The following STRN3 variants were observed in gnomAD, a reference collection of about 807,000 sequenced individuals.
STRN3 encodes the protein striatin-3.
In STRN3, 29 loss-of-function variants were observed where a neutral mutation model predicts 95.6. The observed-to-expected ratio is 0.30, with a 90% confidence interval of 0.23 to 0.41. The LOEUF (loss-of-function observed/expected upper bound fraction) is 0.41, where lower values mean the gene tolerates loss of function less well. Among genes scored for constraint, STRN3 ranks in the 10% least tolerant of loss-of-function variants. STRN3 has a pLI of 1.00. For synonymous variants in STRN3, 331 were observed against 357.6 expected (o/e 0.93, Z 0.84); for missense variants, 890 against 972.1 (o/e 0.92, Z 1.12).
At chr14:31,010,796 T>C (rs1882935195) in intron 1 of STRN3, among the ~76,000 whole-genome samples, 1 of 152,226 alleles carries the variant, frequency 6.6e-6, no homozygotes, top group African/African-American at 2.4e-5. Context: ...TCCAGCACTT[T>C]GGGAGGCCAA....
intron 16 of STRN3, among the ~76,000 whole-genome samples, chr14:30,900,436 T>TG (rs1896276858): frequency 6.0e-5 from 1 of 16,792 alleles, no homozygotes; most frequent in Non-Finnish European, 1.3e-4. Context: ...CAACGGGGGG[T>TG]GTGGGGCGGG....
intron 1 of STRN3, among the ~76,000 whole-genome samples, chr14:30,957,065 G>A (rs1398875668): frequency 1.3e-5 from 2 of 152,230 alleles, no homozygotes; most frequent in African/African-American, 2.4e-5. Context: ...GCCTGAGGCA[G>A]GAGAATCGCT....
At chr14:30,916,941 T>C (rs898978225) in intron 9 of STRN3, among the ~76,000 whole-genome samples, 5 of 152,178 alleles carry the variant, frequency 3.3e-5, no homozygotes, top group African/African-American at 9.7e-5. Flanking sequence ...ACAGATTCCA[T>C]TTATACCAGT....
chr14:30,935,930 T>C lies in STRN3; in HGVS notation c.846+565A>G, dbSNP rs145782215. 2.1e-3 allele frequency among the ~76,000 whole-genome samples: 313 copies of C among 152,342 alleles called. 5 individuals carry two copies. In the East Asian group the frequency reaches 0.032, roughly 15 times the overall value. ...AACTAAACCTACCCACTTTTTTCTA[T>C]GGTTGAAATGCTGTACACTACTTTG... is the stretch of plus-strand genomic sequence containing the variant. On this transcript the variant is annotated intron_variant, in intron 6 of 17. Coordinates refer to ENST00000357479, the MANE Select transcript of STRN3 (RefSeq NM_001083893.2).
chr14:31,025,752 GCCGTTGAGAGGAC>G, intron 1 of STRN3, 139 bp downstream of exon 1: 1 of 1,058,572 alleles, frequency 9.4e-7, no homozygotes, highest in Non-Finnish European at 1.3e-6. Flanking sequence ...TCCAGGAAAA[GCCGTTGAGAGGAC>G]CATCACAACC....
chr14:31,025,755 G>A (rs922032493), intron 1 of STRN3, 149 bp downstream of exon 1: 7 of 1,111,132 alleles, frequency 6.3e-6, no homozygotes, highest in Non-Finnish European at 8.7e-6. Flanking sequence ...AGGAAAAGCC[G>A]TTGAGAGGAC....
At chr14:30,994,384 G>A (rs994465404) in intron 1 of STRN3, among the ~76,000 whole-genome samples, 2 of 152,098 alleles carry the variant, frequency 1.3e-5, no homozygotes, top group Non-Finnish European at 2.9e-5. Flanking sequence ...ATCAACTTGA[G>A]TTATACACAG....
In STRN3 at chr14:30,955,535, A is replaced by G. The variant is rs558939728; in HGVS notation, c.460+85T>C. ...ACAATAGTCATTCTCTAATATTATC[A>G]AACCAAAATGCGGGTAAAGAGAACA... is the stretch of plus-strand genomic sequence containing the variant. On this transcript the variant is annotated intron_variant, in intron 3 of 17. Coordinates refer to ENST00000357479, the MANE Select transcript of STRN3 (RefSeq NM_001083893.2). 24 of 1,202,270 alleles carry G rather than the reference A, an allele frequency of 2.0e-5. No individual in the cohort carries two copies. The African/African-American group carries it at 2.7e-4, about 14-fold the overall frequency. 74.5% of individuals were successfully genotyped at this position (1,202,270 alleles called of 1,614,324 possible). A position where few individuals can be genotyped will look rare whatever the true frequency, so the allele number is the denominator to read the frequency against.
At chr14:31,006,002 T>A (rs555453082) in intron 1 of STRN3, among the ~76,000 whole-genome samples, 77 of 150,928 alleles carry the variant, frequency 5.1e-4, no homozygotes, top group African/African-American at 1.8e-3. Flanking sequence ...ACACTTGTAA[T>A]CTCAGCTACT....
chr14:30,895,237 G>C lies in STRN3; in HGVS notation c.*174C>G. On this transcript the variant is annotated 3_prime_UTR_variant, in exon 18 of 18. Coordinates refer to ENST00000357479, the MANE Select transcript of STRN3 (RefSeq NM_001083893.2). ...TGTCCCACAAAATACAGTAATTACA[G>C]TTAACTTAATGAGCTTGACATTAAG... The C allele has an allele frequency of 1.5e-6, 1 of 675,272 alleles. No individual in the cohort carries two copies. The highest frequency in any genetic ancestry group is 1.8e-5 in the African/African-American group (1 of 55,666). The allele number at this position is 675,272 out of a possible 1,614,324, so 41.8% of individuals were successfully genotyped here.
At chr14:30,952,699 C>CA (rs1011811438) in intron 3 of STRN3, among the ~76,000 whole-genome samples, 1,495 of 149,392 alleles carry the variant, frequency 0.01, 20 homozygotes, top group African/African-American at 0.032. Context: ...GACTCTGTCT[C>CA]AAAAAAAACC....
At chr14:31,022,028 C>T (rs1437450045) in intron 1 of STRN3, among the ~76,000 whole-genome samples, 3 of 152,018 alleles carry the variant, frequency 2.0e-5, no homozygotes, top group South Asian at 2.1e-4. Context: ...AAGGAAATGC[C>T]TAACAGTAAA....
At chr14:30,982,879 T>C (rs898066626) in intron 1 of STRN3, among the ~76,000 whole-genome samples, 10 of 152,142 alleles carry the variant, frequency 6.6e-5, no homozygotes, top group South Asian at 2.1e-4. Flanking sequence ...GATGAGATCA[T>C]TGGGACCCCA....
At chr14:30,954,714 G>C (rs1042695705) in intron 3 of STRN3, among the ~76,000 whole-genome samples, 2 of 152,056 alleles carry the variant, frequency 1.3e-5, no homozygotes, top group African/African-American at 4.8e-5. Flanking sequence ...TTTCAGTTGT[G>C]AGCAAAAAAG....
At chr14:30,997,218 C>A (rs1320370449) in intron 1 of STRN3, among the ~76,000 whole-genome samples, 2 of 152,102 alleles carry the variant, frequency 1.3e-5, no homozygotes, top group Non-Finnish European at 2.9e-5. Flanking sequence ...GGGAGGGGGA[C>A]ATGAGCAGAT....
intron 1 of STRN3, among the ~76,000 whole-genome samples, chr14:30,960,715 A>G (rs555712707): frequency 3.1e-3 from 475 of 152,046 alleles, no homozygotes; most frequent in African/African-American, 0.011. Flanking sequence ...TAAAAATACA[A>G]AAAATTAGCC....
intron 5 of STRN3, among the ~76,000 whole-genome samples, chr14:30,944,763 G>A (rs766690071): frequency 1.3e-5 from 2 of 150,978 alleles, no homozygotes; most frequent in African/African-American, 4.9e-5. Flanking sequence ...GATTACAAGC[G>A]TGCACCCAGC....
chr14:30,944,642 G>A (rs1453861854), intron 5 of STRN3, among the ~76,000 whole-genome samples: 2 of 122,040 alleles, frequency 1.6e-5, no homozygotes, highest in African/African-American at 6.1e-5. Flanking sequence ...TTTTTGAGAT[G>A]GAGTCTCGCT....
intron 1 of STRN3, among the ~76,000 whole-genome samples, chr14:30,973,070 G>A (rs1432470256): frequency 6.6e-6 from 1 of 152,126 alleles, no homozygotes; most frequent in Non-Finnish European, 1.5e-5. Context: ...TCAGCCAGGT[G>A]TGGTGGCACC....
Sources: allele counts gnomAD v4.1 joint callset (sites outside exome capture counted in the v4.1 genomes callset), GRCh38; gene constraint gnomAD v4.1.1; transcripts MANE v1.5; gene names NCBI Gene and HGNC (gene_info 2026-07-23, HGNC 2026-07-21).